Variants in CDK6 observed in about 807,000 individuals in gnomAD.
CDK6 encodes the protein cyclin dependent kinase 6, also known as cyclin-dependent kinase 6.
A neutral mutation model predicts 37.1 loss-of-function variants in CDK6; 6 were observed. The observed-to-expected ratio is 0.16, with a 90% CI of 0.09 to 0.32. The LOEUF is 0.32. Among genes scored for constraint, CDK6 ranks in the 10% least tolerant of loss-of-function variants. The pLI is 1.00. For missense variants in CDK6, 224 were observed against 418.9 expected, an observed-to-expected ratio of 0.53 and a Z score of 4.06; for synonymous variants, 160 against 161.3, an observed-to-expected ratio of 0.99 and a Z score of 0.06.
intron 5 of CDK6, among the ~76,000 whole-genome samples, chr7:92,651,196 G>A (rs1313054256): frequency 6.6e-6 from 1 of 152,140 alleles, no homozygotes; most frequent in Non-Finnish European, 1.5e-5. Flanking sequence ...GGCTAGTTCT[G>A]TTTTTAAAGG....
At chr7:92,763,200 A>G (rs1274047466) in intron 3 of CDK6, among the ~76,000 whole-genome samples, 1 of 152,250 alleles carries the variant, frequency 6.6e-6, no homozygotes, top group East Asian at 1.9e-4. Flanking sequence ...AGAAAATTAG[A>G]TTCTGAGTAC....
chr7:92,672,166 TACACACACACACACACAGAC>T (rs1400874433), intron 4 of CDK6, among the ~76,000 whole-genome samples: 14 of 38,740 alleles, frequency 3.6e-4, no homozygotes, highest in Admixed American at 8.9e-4. Context: ...TATATACACA[TACACACACACACACACAGAC>T]ACATACACAC....
At chr7:92,779,922 C>T (rs374466442) in intron 2 of CDK6, among the ~76,000 whole-genome samples, 3 of 152,114 alleles carry the variant, frequency 2.0e-5, no homozygotes, top group African/African-American at 7.2e-5. Flanking sequence ...GGAATTGCCC[C>T]AAATCAAATA....
intron 2 of CDK6, among the ~76,000 whole-genome samples, chr7:92,802,158 C>A (rs1800596578): frequency 6.6e-6 from 1 of 151,986 alleles, no homozygotes; most frequent in Non-Finnish European, 1.5e-5. Flanking sequence ...ATCAAACAAC[C>A]TCTGATCATC....
At chr7:92,823,959 G>A (rs1801245416) in intron 2 of CDK6, among the ~76,000 whole-genome samples, 1 of 151,956 alleles carries the variant, frequency 6.6e-6, no homozygotes, top group South Asian at 2.1e-4. Context: ...GAGCCACTGT[G>A]CCTGGCCTTC....
intron 5 of CDK6, among the ~76,000 whole-genome samples, chr7:92,638,810 T>C: frequency 6.6e-6 from 1 of 152,260 alleles, no homozygotes; most frequent in Non-Finnish European, 1.5e-5. Context: ...GCCAATGATA[T>C]GCTGAAAATT....
At chr7:92,744,523 G>A (rs1464712366) in intron 3 of CDK6, among the ~76,000 whole-genome samples, 1 of 152,170 alleles carries the variant, frequency 6.6e-6, no homozygotes, top group African/African-American at 2.4e-5. Flanking sequence ...AACCATAACA[G>A]AGACCTCAGT....
intron 5 of CDK6, among the ~76,000 whole-genome samples, chr7:92,661,186 T>C (rs1325657147): frequency 2.6e-5 from 4 of 152,192 alleles, no homozygotes; most frequent in Admixed American, 6.5e-5. Context: ...ACCTCTAATA[T>C]AGCAGCTTAA....
intron 5 of CDK6, among the ~76,000 whole-genome samples, chr7:92,640,711 C>A (rs1478779698): frequency 6.6e-6 from 1 of 152,206 alleles, no homozygotes; most frequent in Non-Finnish European, 1.5e-5. Flanking sequence ...TCATTTAATA[C>A]ACCCCTGGAG....
At chr7:92,675,987 A>C (rs940824408) in intron 4 of CDK6, among the ~76,000 whole-genome samples, 1 of 151,944 alleles carries the variant, frequency 6.6e-6, no homozygotes, top group African/African-American at 2.4e-5. Flanking sequence ...GGTTTGTCAG[A>C]AGTTTAGCCA....
intron 2 of CDK6, among the ~76,000 whole-genome samples, chr7:92,811,688 G>C (rs887484465): frequency 6.6e-6 from 1 of 152,100 alleles, no homozygotes; most frequent in Non-Finnish European, 1.5e-5. Context: ...AGACTTGAGA[G>C]ATTCCTAATG....
intron 2 of CDK6, among the ~76,000 whole-genome samples, chr7:92,807,378 T>C (rs1800754014): frequency 6.6e-6 from 1 of 152,030 alleles, no homozygotes; most frequent in Admixed American, 6.5e-5. Flanking sequence ...TCTAGATATC[T>C]AGATTATATA....
chr7:92,608,934 C>G lies in CDK6; in HGVS notation c.*6206G>C, dbSNP rs1795497029. On this transcript the variant is annotated 3_prime_UTR_variant, in exon 8 of 8. Transcript: ENST00000424848. ...TCAAGTGGGAATCAAGTTTTGAGCA[C>G]GAGCAAATGGGGTTCAGACTGGCCA... The G allele has an allele frequency of 4.3e-6, 1 of 232,766 alleles. No homozygotes were observed. The highest frequency in any genetic ancestry group is 1.8e-4 in the South Asian group (1 of 5,536). The allele number at this position is 232,766 out of a possible 1,614,324, so 14.4% of individuals were successfully genotyped here.
chr7:92,677,088 T>C (rs1025652743), intron 4 of CDK6, among the ~76,000 whole-genome samples: 1 of 152,214 alleles, frequency 6.6e-6, no homozygotes, highest in Admixed American at 6.5e-5. Flanking sequence ...TTTTTATCCT[T>C]AAGATTTTGC....
chr7:92,680,435 G>GAAAAAAAAAAAAAAAAAAAAAAAAAAAA (rs778849907), intron 4 of CDK6, among the ~76,000 whole-genome samples: 1 of 27,918 alleles, frequency 3.6e-5, no homozygotes, highest in African/African-American at 1.2e-4. Flanking sequence ...TTCCATCTCA[G>GAAAAAAAAAAAAAAAAAAAAAAAAAAAA]AAAAAAAAAA....
In CDK6 at chr7:92,834,059, A is replaced by C. The variant is rs1007624373; in HGVS notation, c.-367-369T>G. On this transcript the variant is annotated intron_variant, in intron 1 of 7. Coordinates refer to ENST00000424848, the MANE Select transcript of CDK6 (RefSeq NM_001145306.2). This position sits in a 1 kb window ranked among gnomAD's most constrained non-coding sequence, Gnocchi z 4.6. ...ATGTCACGGCTTAATATTTATCCCT[A>C]TATCATTGTGTTGCGCCGCTACCCT... 2 of 389,124 alleles carry C rather than the reference A, an allele frequency of 5.1e-6. No individual in the cohort carries two copies. Among genetic ancestry groups the C allele is most frequent in the Non-Finnish European group, 9.0e-6 (2 of 221,016 alleles). The allele number at this position is 389,124 out of a possible 1,614,324, so 24.1% of individuals were successfully genotyped here. A position where few individuals can be genotyped will look rare whatever the true frequency, so the allele number is the denominator to read the frequency against.
intron 3 of CDK6, among the ~76,000 whole-genome samples, chr7:92,739,094 G>A (rs765236847): frequency 1.6e-4 from 25 of 152,150 alleles, no homozygotes; most frequent in Non-Finnish European, 3.2e-4. Flanking sequence ...TGCCTTCTCT[G>A]GGTCTCTAGT....
intron 3 of CDK6, among the ~76,000 whole-genome samples, chr7:92,773,182 T>C (rs940679682): frequency 6.6e-6 from 1 of 152,170 alleles, no homozygotes; most frequent in Non-Finnish European, 1.5e-5. Context: ...ACATGAGATA[T>C]GTACATTAAA....
intron 5 of CDK6, among the ~76,000 whole-genome samples, chr7:92,633,313 A>C (rs563659116): frequency 6.6e-6 from 1 of 152,294 alleles, no homozygotes; most frequent in South Asian, 2.1e-4. Context: ...AACAGAGCCC[A>C]CAACATTCCT....
Sources: allele counts gnomAD v4.1 joint callset (sites outside exome capture counted in the v4.1 genomes callset), GRCh38; gene constraint gnomAD v4.1.1; non-coding constraint Gnocchi (gnomAD v3.1); transcripts MANE v1.5; gene names NCBI Gene and HGNC (gene_info 2026-07-23, HGNC 2026-07-21).